Variants in PTDSS1 observed in about 807,000 individuals in gnomAD.
PTDSS1 encodes phosphatidylserine synthase 1.
PTDSS1 carries 45 observed loss-of-function variants against 70.5 expected under a neutral mutation model. That is an observed-to-expected ratio of 0.64 (90% confidence interval 0.50 to 0.82). PTDSS1 has a LOEUF of 0.82. PTDSS1 is among the 40% of genes least tolerant of loss of function. PTDSS1 has a pLI of 0.00. For missense variants in PTDSS1, 417 were observed against 586.1 expected, an observed-to-expected ratio of 0.71 and a Z score of 2.98; for synonymous variants, 188 against 203.8, an observed-to-expected ratio of 0.92 and a Z score of 0.66.
At position 96,273,388 on chromosome 8, in the gene PTDSS1, A is replaced by G. The variant is rs1258371359; in HGVS notation, c.269A>G (p.Asn90Ser). 1.2e-6 allele frequency: 2 copies of G among 1,602,828 alleles called. No individual in the cohort carries two copies. Among genetic ancestry groups the G allele is most frequent in the Non-Finnish European group, 1.7e-6 (2 of 1,173,172 alleles). ...FLIISVLAFP[N>S]GPFTRPHPAL... ...ATCATCAGTGTGTTAGCTTTCCCCA[A>G]TGGTAAGTAATGTCATGCATTACCA... Residue 90 changes from asparagine (N) to serine (S), a missense_variant and splice_region_variant, in exon 2 of 13, where the codon AAT becomes AGT. By Grantham distance (46) the Asn-to-Ser change is conservative (BLOSUM62 1). Transcript: ENST00000517309.
chr8:96,261,959 C>A lies in PTDSS1; in HGVS notation c.-82C>A, dbSNP rs915392503. ...CCCGGCTTTGCCGTCCGGCTATTAGCCTACTGTGGCTAGTCACCCCCGGGG... is the reference window on the plus strand; with the variant it reads ...CCCGGCTTTGCCGTCCGGCTATTAGACTACTGTGGCTAGTCACCCCCGGGG... On this transcript the variant is annotated 5_prime_UTR_variant, in exon 1 of 13. Transcript: ENST00000517309. 1 of 1,428,670 alleles carries A rather than the reference C, an allele frequency of 7.0e-7. No homozygotes were observed. Among genetic ancestry groups the A allele is most frequent in the Admixed American group, 2.1e-5 (1 of 48,062 alleles). The allele number at this position is 1,428,670 out of a possible 1,614,324, so 88.5% of individuals were successfully genotyped here. A position where few individuals can be genotyped will look rare whatever the true frequency, so the allele number is the denominator to read the frequency against.
intron 4 of PTDSS1, among the ~76,000 whole-genome samples, chr8:96,294,278 C>T (rs1314406488): frequency 2.6e-5 from 4 of 152,112 alleles, no homozygotes; most frequent in South Asian, 2.1e-4. Flanking sequence ...TTTTTTTCAG[C>T]TGGCTGATAA....
chr8:96,314,753 C>T (rs931532945), intron 9 of PTDSS1, among the ~76,000 whole-genome samples: 6 of 152,108 alleles, frequency 3.9e-5, no homozygotes, highest in Admixed American at 1.3e-4. Flanking sequence ...CCCGTCACCT[C>T]GCCTGGCTAA....
intron 4 of PTDSS1, among the ~76,000 whole-genome samples, chr8:96,287,792 G>A (rs1039749116): frequency 6.6e-6 from 1 of 151,962 alleles, no homozygotes; most frequent in Non-Finnish European, 1.5e-5. Context: ...ACTCTATTTT[G>A]GCTTTTACTG....
intron 1 of PTDSS1, among the ~76,000 whole-genome samples, chr8:96,267,062 A>G (rs73271820): frequency 0.062 from 9,407 of 152,232 alleles, 881 homozygotes; most frequent in African/African-American, 0.2. Context: ...ATTCAAGTTC[A>G]TCTGTTCTGA....
At chr8:96,297,996 A>G (rs530185745) in intron 5 of PTDSS1, among the ~76,000 whole-genome samples, 1 of 152,340 alleles carries the variant, frequency 6.6e-6, no homozygotes, top group Non-Finnish European at 1.5e-5. Context: ...GGTACCTTCC[A>G]GGAAAGTTCC....
chr8:96,284,484 A>G (rs896565718), intron 3 of PTDSS1, among the ~76,000 whole-genome samples: 13 of 152,338 alleles, frequency 8.5e-5, no homozygotes, highest in Admixed American at 5.9e-4. Flanking sequence ...TGCAAGCCCA[A>G]GAACTTATGA....
At chr8:96,268,320 T>C (rs945119668) in intron 1 of PTDSS1, among the ~76,000 whole-genome samples, 2 of 152,222 alleles carry the variant, frequency 1.3e-5, no homozygotes, top group African/African-American at 4.8e-5. Flanking sequence ...TTGGGAGAGA[T>C]GATCCTTAAA....
chr8:96,305,987 C>T (rs1253075658), intron 7 of PTDSS1, among the ~76,000 whole-genome samples: 1 of 152,194 alleles, frequency 6.6e-6, no homozygotes, highest in African/African-American at 2.4e-5. Context: ...GGCCTCAAGC[C>T]TCTTTTGATT....
chr8:96,289,004 G>A (rs1430898447), intron 4 of PTDSS1, among the ~76,000 whole-genome samples: 2 of 150,496 alleles, frequency 1.3e-5, no homozygotes, highest in African/African-American at 2.5e-5. Flanking sequence ...GCACAATCTC[G>A]GCTCACTGTA....
intron 2 of PTDSS1, among the ~76,000 whole-genome samples, chr8:96,282,076 A>G (rs1340857494): frequency 6.6e-6 from 1 of 152,198 alleles, no homozygotes; most frequent in Admixed American, 6.5e-5. Flanking sequence ...ACAGTTTTAG[A>G]GGTGAACCTT....
intron 10 of PTDSS1, among the ~76,000 whole-genome samples, chr8:96,327,732 C>G (rs1563586269): frequency 6.6e-6 from 1 of 152,176 alleles, no homozygotes; most frequent in Non-Finnish European, 1.5e-5. Flanking sequence ...AATTTGAATG[C>G]TCATTACCAT....
intron 4 of PTDSS1, among the ~76,000 whole-genome samples, chr8:96,288,931 T>G (rs893755902): frequency 2.0e-5 from 3 of 150,548 alleles, no homozygotes; most frequent in African/African-American, 4.9e-5. Context: ...TACTGGCCCA[T>G]GATCAATTTT....
At chr8:96,327,978 T>TA (rs1459758069) in intron 10 of PTDSS1, among the ~76,000 whole-genome samples, 3 of 152,158 alleles carry the variant, frequency 2.0e-5, no homozygotes, top group African/African-American at 4.8e-5. Context: ...GGGACAAGTG[T>TA]AAAATGGGCC....
chr8:96,261,921 GC>G lies in PTDSS1; in HGVS notation c.-119del. 1 of 1,094,218 alleles carries G rather than the reference GC, an allele frequency of 9.1e-7. No homozygotes were observed. Among genetic ancestry groups the G allele is most frequent in the Non-Finnish European group, 1.3e-6 (1 of 781,120 alleles). The allele number at this position is 1,094,218 out of a possible 1,614,324, so 67.8% of individuals were successfully genotyped here. Reference sequence around the variant, plus strand: ...GTCCTTCCCTCTGCTCCCAGCCTTTGCTGGGCGCCAGACCCGGCTTTGCCGT... The same window carrying G: ...GTCCTTCCCTCTGCTCCCAGCCTTTGTGGGCGCCAGACCCGGCTTTGCCGT... On this transcript the variant is annotated 5_prime_UTR_variant, in exon 1 of 13. Coordinates refer to ENST00000517309, the MANE Select transcript of PTDSS1 (RefSeq NM_014754.3).
At chr8:96,318,518 G>A (rs2130152480) in intron 9 of PTDSS1, among the ~76,000 whole-genome samples, 1 of 152,246 alleles carries the variant, frequency 6.6e-6, no homozygotes, top group African/African-American at 2.4e-5. Flanking sequence ...CACTGCACAG[G>A]CTGGAATACC....
chr8:96,273,244 A>T, intron 1 of PTDSS1, 55 bp from the exon 2 acceptor site: 3 of 1,306,244 alleles, frequency 2.3e-6, no homozygotes, highest in Non-Finnish European at 3.2e-6. Context: ...TCCTTCCTCT[A>T]GGTTTTCTAT....
chr8:96,282,439 T>C (rs1262219678), intron 2 of PTDSS1, among the ~76,000 whole-genome samples: 1 of 152,212 alleles, frequency 6.6e-6, no homozygotes, highest in Non-Finnish European at 1.5e-5. Flanking sequence ...GAGCCCTCAC[T>C]ATTAGAACTC....
intron 8 of PTDSS1, among the ~76,000 whole-genome samples, chr8:96,307,932 A>G (rs898882807): frequency 2.6e-5 from 4 of 152,314 alleles, no homozygotes; most frequent in East Asian, 1.9e-4. Flanking sequence ...ACAATGCCCT[A>G]TGGATTTCTC....
Sources: allele counts gnomAD v4.1 joint callset (sites outside exome capture counted in the v4.1 genomes callset), GRCh38; gene constraint gnomAD v4.1.1; transcripts MANE v1.5; gene names NCBI Gene and HGNC (gene_info 2026-07-23, HGNC 2026-07-21).